The following MACROD2 variants were observed in gnomAD, a reference collection of about 807,000 sequenced individuals.
The protein encoded by MACROD2 is mono-ADP ribosylhydrolase 2.
A neutral mutation model predicts 70.4 loss-of-function variants in MACROD2; 36 were observed. That is an observed-to-expected ratio of 0.51 (90% CI 0.39 to 0.68). The LOEUF (loss-of-function observed/expected upper bound fraction) is 0.68. Ranked by LOEUF, MACROD2 falls within the 30% of genes least tolerant of loss-of-function variation. MACROD2 has a pLI of 0.00. For synonymous variants in MACROD2, 172 were observed against 178.8 expected, an observed-to-expected ratio of 0.96 and a Z score of 0.30; for missense variants, 496 against 538.4, an observed-to-expected ratio of 0.92 and a Z score of 0.78.
chr20:14,622,570 C>G (rs561054718), intron 4 of MACROD2, among the ~76,000 whole-genome samples: 16 of 152,248 alleles, frequency 1.1e-4, no homozygotes, highest in African/African-American at 3.6e-4. Flanking sequence ...CCAGAAACTT[C>G]TGAGAGGCCA....
chr20:14,255,714 TAAATAAATAAA>T (rs775331753), intron 3 of MACROD2, among the ~76,000 whole-genome samples: 1 of 139,936 alleles, frequency 7.1e-6, no homozygotes, highest in Non-Finnish European at 1.6e-5. Flanking sequence ...AATAAATAAA[TAAATAAATAAA>T]AAAGAAAATG....
chr20:15,769,762 A>G (rs1270674711), intron 8 of MACROD2, among the ~76,000 whole-genome samples: 5 of 152,202 alleles, frequency 3.3e-5, no homozygotes. Flanking sequence ...ACTAACACTG[A>G]ATCTCCATAT....
chr20:15,031,617 A>G (rs895895709), intron 5 of MACROD2, among the ~76,000 whole-genome samples: 4 of 152,150 alleles, frequency 2.6e-5, no homozygotes, highest in Admixed American at 6.5e-5. Context: ...ATCCCGACTA[A>G]GTGGAGGAGA....
In MACROD2 at chr20:15,134,163, C is replaced by T. The variant is rs1450549935; in HGVS notation, c.419-95777C>T. On this transcript the variant is annotated intron_variant, in intron 5 of 17. Transcript: ENST00000684519. ...CCTCGTGATCCTCCCGCCTCGCCTC[C>T]CAAAGTGCTGAGATTACAGGCGTGA... 4.7e-5 allele frequency among the ~76,000 whole-genome samples: 7 copies of T among 148,204 alleles called. No individual in the cohort carries two copies. The East Asian group carries it at 1.4e-3, about 30-fold the overall frequency.
At chr20:15,486,378 C>T (rs1043405446) in intron 7 of MACROD2, among the ~76,000 whole-genome samples, 1 of 152,154 alleles carries the variant, frequency 6.6e-6, no homozygotes, top group African/African-American at 2.4e-5. Context: ...GCTTTCTCTC[C>T]TTACTAAGCA....
chr20:15,302,443 C>T (rs2077656198), intron 6 of MACROD2, among the ~76,000 whole-genome samples: 1 of 151,756 alleles, frequency 6.6e-6, no homozygotes, highest in African/African-American at 2.4e-5. Flanking sequence ...ATATTTTATA[C>T]TCTTGTCTGC....
chr20:15,886,378 A>G (rs2064822471), intron 10 of MACROD2, among the ~76,000 whole-genome samples: 1 of 152,090 alleles, frequency 6.6e-6, no homozygotes, highest in East Asian at 1.9e-4. Flanking sequence ...AAAAAGGGAG[A>G]CACTGTATTC....
intron 5 of MACROD2, among the ~76,000 whole-genome samples, chr20:14,750,463 A>G (rs1312656704): frequency 6.6e-6 from 1 of 151,982 alleles, no homozygotes; most frequent in Non-Finnish European, 1.5e-5. Context: ...TATTGTTGTT[A>G]TTATTATTAT....
At chr20:14,845,442 T>A (rs1314795400) in intron 5 of MACROD2, among the ~76,000 whole-genome samples, 1 of 152,058 alleles carries the variant, frequency 6.6e-6, no homozygotes, top group Non-Finnish European at 1.5e-5. Flanking sequence ...TGACACTCTT[T>A]TGAGGCACAT....
intron 6 of MACROD2, among the ~76,000 whole-genome samples, chr20:15,323,723 T>G (rs1398747371): frequency 6.6e-6 from 1 of 152,182 alleles, no homozygotes; most frequent in Non-Finnish European, 1.5e-5. Flanking sequence ...ATTTTTATTA[T>G]TTTTCCTTTC....
At chr20:14,596,007 G>GT (rs1163179214) in intron 4 of MACROD2, among the ~76,000 whole-genome samples, 1 of 152,014 alleles carries the variant, frequency 6.6e-6, no homozygotes, top group African/African-American at 2.4e-5. Context: ...GCTTGAATGG[G>GT]TTTAATATTA....
chr20:15,118,637 C>G (rs1238218864), intron 5 of MACROD2, among the ~76,000 whole-genome samples: 3 of 152,132 alleles, frequency 2.0e-5, no homozygotes, highest in Non-Finnish European at 4.4e-5. Context: ...CTGAGATACT[C>G]TTTTTCTCTT....
intron 3 of MACROD2, among the ~76,000 whole-genome samples, chr20:14,315,588 A>G (rs976389302): frequency 1.3e-5 from 2 of 152,176 alleles, no homozygotes; most frequent in African/African-American, 2.4e-5. Flanking sequence ...AATATATTAG[A>G]TAATAACAAA....
chr20:15,402,076 A>G (rs2045937829), intron 6 of MACROD2, among the ~76,000 whole-genome samples: 1 of 152,150 alleles, frequency 6.6e-6, no homozygotes, highest in African/African-American at 2.4e-5. Flanking sequence ...CCTTGGCGGC[A>G]TTTTCCAGGT....
chr20:15,991,962 A>G (rs1234328235), intron 15 of MACROD2, among the ~76,000 whole-genome samples: 1 of 152,196 alleles, frequency 6.6e-6, no homozygotes, highest in Non-Finnish European at 1.5e-5. Flanking sequence ...TAGGTTTTCT[A>G]CATGTCTCTA....
At chr20:15,406,299 G>C (rs907016119) in intron 6 of MACROD2, among the ~76,000 whole-genome samples, 23 of 152,194 alleles carry the variant, frequency 1.5e-4, no homozygotes, top group African/African-American at 5.1e-4. Flanking sequence ...GTCATGTCCA[G>C]TTTGCTCACT....
At chr20:14,908,867 CAGTACTACAAG>C (rs1442190714) in intron 5 of MACROD2, among the ~76,000 whole-genome samples, 2 of 152,068 alleles carry the variant, frequency 1.3e-5, no homozygotes, top group African/African-American at 2.4e-5. Context: ...ATTGAGGAGA[CAGTACTACAAG>C]AGTTAAATGT....
At chr20:14,419,065 GT>G (rs943600733) in intron 3 of MACROD2, among the ~76,000 whole-genome samples, 10 of 149,836 alleles carry the variant, frequency 6.7e-5, no homozygotes, top group Admixed American at 6.6e-4. Flanking sequence ...TTTGTTTTTT[GT>G]TTTTTGAGAT....
At chr20:15,512,742 C>G (rs775195489) in intron 8 of MACROD2, among the ~76,000 whole-genome samples, 1 of 152,198 alleles carries the variant, frequency 6.6e-6, no homozygotes, top group Non-Finnish European at 1.5e-5. Context: ...ACCCACGGTG[C>G]TTCTAGGTCC....
Sources: allele counts gnomAD v4.1 joint callset (sites outside exome capture counted in the v4.1 genomes callset), GRCh38; gene constraint gnomAD v4.1.1; transcripts MANE v1.5; gene names NCBI Gene and HGNC (gene_info 2026-07-23, HGNC 2026-07-21).